The following UBE2R2 variants were observed in gnomAD, a reference collection of about 807,000 sequenced individuals.
UBE2R2 encodes ubiquitin-conjugating enzyme E2 R2.
UBE2R2 carries 1 observed loss-of-function variant against 27.8 expected under a neutral mutation model. The ratio of observed to expected loss-of-function variants is 0.04; its 90% CI spans 0.01 to 0.17. The LOEUF (loss-of-function observed/expected upper bound fraction) is 0.17, where lower values mean the gene tolerates loss of function less well. Among genes scored for constraint, UBE2R2 ranks in the 10% least tolerant of loss-of-function variants. The pLI, the probability that UBE2R2 is intolerant of heterozygous loss-of-function variation, is 1.00. For synonymous variants in UBE2R2, 106 were observed against 113.3 expected (o/e 0.94, Z 0.41); for missense variants, 100 against 291.0 (o/e 0.34, Z 4.78).
In UBE2R2 at chr9:33,863,474, C is replaced by T. The variant is rs182372559; in HGVS notation, c.178-23407C>T. On this transcript the variant is annotated intron_variant, in intron 1 of 4. Transcript: ENST00000263228. The stretch of plus-strand genomic sequence containing the variant: ...TTGCAGTGAGCCGAGATCAAGATTG[C>T]GTTGCCAGTGTACTTCAGCCTGGGG... Among the ~76,000 whole-genome samples the T allele has an allele frequency of 6.6e-5, 10 of 151,226 alleles. No individual in the cohort carries two copies. The South Asian group carries it at 1.0e-3, about 16-fold the overall frequency.
At chr9:33,888,845 G>T (rs1311156963) in intron 2 of UBE2R2, among the ~76,000 whole-genome samples, 1 of 152,136 alleles carries the variant, frequency 6.6e-6, no homozygotes, top group Non-Finnish European at 1.5e-5. Context: ...GCAAGAAATG[G>T]AGAACTCGCT....
chr9:33,877,140 A>G (rs1156803275), intron 1 of UBE2R2, among the ~76,000 whole-genome samples: 3 of 151,900 alleles, frequency 2.0e-5, no homozygotes, highest in Non-Finnish European at 2.9e-5. Context: ...TACTTCTAGA[A>G]TAAAGTCAAA....
At chr9:33,859,617 A>G (rs1408676417) in intron 1 of UBE2R2, among the ~76,000 whole-genome samples, 1 of 152,116 alleles carries the variant, frequency 6.6e-6, no homozygotes, top group Non-Finnish European at 1.5e-5. Context: ...TTACAGAAGC[A>G]TTGTTGTGAC....
chr9:33,888,418 C>G (rs1431661486), intron 2 of UBE2R2, among the ~76,000 whole-genome samples: 1 of 152,184 alleles, frequency 6.6e-6, no homozygotes, highest in Admixed American at 6.5e-5. Context: ...TAGAGTCTTG[C>G]CATCTTAGTC....
At chr9:33,875,367 ACTT>A (rs1821581197) in intron 1 of UBE2R2, among the ~76,000 whole-genome samples, 1 of 152,168 alleles carries the variant, frequency 6.6e-6, no homozygotes, top group Admixed American at 6.6e-5. Context: ...TTTCCCTTTT[ACTT>A]CTTGTGGAAA....
At chr9:33,872,180 G>A (rs1821499901) in intron 1 of UBE2R2, among the ~76,000 whole-genome samples, 1 of 151,256 alleles carries the variant, frequency 6.6e-6, no homozygotes, top group African/African-American at 2.4e-5. Context: ...GATCTCTTGA[G>A]TCCAGGAGTT....
chr9:33,842,228 T>C (rs72725377), intron 1 of UBE2R2, among the ~76,000 whole-genome samples: 11,995 of 152,048 alleles, frequency 0.079, 678 homozygotes, highest in Non-Finnish European at 0.12. Flanking sequence ...AGTGAGACCT[T>C]GTTTCCACAA....
chr9:33,905,496 T>C (rs977996350), intron 3 of UBE2R2, among the ~76,000 whole-genome samples: 1 of 152,234 alleles, frequency 6.6e-6, no homozygotes, highest in African/African-American at 2.4e-5. Context: ...TCTCTGCAGA[T>C]GATACATAAT....
At chr9:33,871,384 C>G (rs899392527) in intron 1 of UBE2R2, among the ~76,000 whole-genome samples, 13 of 151,980 alleles carry the variant, frequency 8.6e-5, no homozygotes, top group Admixed American at 2.0e-4. Flanking sequence ...CTGATGAGTT[C>G]GGTGATTTCA....
intron 1 of UBE2R2, among the ~76,000 whole-genome samples, chr9:33,837,985 G>A (rs1423786617): frequency 1.3e-5 from 2 of 152,036 alleles, no homozygotes; most frequent in African/African-American, 4.8e-5. Flanking sequence ...TTATGTATGT[G>A]TAATTATATG....
intron 3 of UBE2R2, among the ~76,000 whole-genome samples, chr9:33,909,565 A>C (rs1184337920): frequency 2.0e-5 from 3 of 152,152 alleles, no homozygotes; most frequent in African/African-American, 7.2e-5. Flanking sequence ...CCCAGTACTT[A>C]AGGAGTCCAA....
At chr9:33,845,333 G>A (rs1398652551) in intron 1 of UBE2R2, among the ~76,000 whole-genome samples, 6 of 149,480 alleles carry the variant, frequency 4.0e-5, no homozygotes, top group African/African-American at 1.5e-4. Flanking sequence ...TGCAAGCTCC[G>A]CCTCCCGGGT....
intron 1 of UBE2R2, among the ~76,000 whole-genome samples, chr9:33,875,743 T>C (rs978392344): frequency 6.6e-6 from 1 of 152,172 alleles, no homozygotes; most frequent in Non-Finnish European, 1.5e-5. Context: ...GCAAAGACAA[T>C]GCTTAGAATT....
intron 3 of UBE2R2, among the ~76,000 whole-genome samples, chr9:33,903,453 A>G (rs567179168): frequency 3.3e-5 from 5 of 152,336 alleles, no homozygotes; most frequent in African/African-American, 9.6e-5. Context: ...CCTTTCCTCA[A>G]ATACAAAGCC....
intron 3 of UBE2R2, among the ~76,000 whole-genome samples, chr9:33,902,925 C>T (rs1370130882): frequency 6.6e-6 from 1 of 152,052 alleles, no homozygotes; most frequent in Non-Finnish European, 1.5e-5. Flanking sequence ...CATGAAGAAA[C>T]CCTGTCTCTA....
upstream of UBE2R2, among the ~76,000 whole-genome samples, chr9:33,816,718 G>C (rs1825768909): frequency 6.6e-6 from 1 of 152,188 alleles, no homozygotes. Flanking sequence ...CCGCAGACTG[G>C]GTGTCACGGG....
chr9:33,902,168 C>T (rs1047997774), intron 3 of UBE2R2, among the ~76,000 whole-genome samples: 2 of 152,014 alleles, frequency 1.3e-5, no homozygotes, highest in African/African-American at 4.8e-5. Context: ...ATCCACTTGG[C>T]CTCCCAGAAT....
At position 33,917,876 on chromosome 9, in the gene UBE2R2, A is replaced by G. The variant is rs1473525299; in HGVS notation, c.*639A>G. 2 of 153,892 alleles carry G rather than the reference A, an allele frequency of 1.3e-5. No homozygotes were observed. The highest frequency in any genetic ancestry group is 2.9e-5 in the Non-Finnish European group (2 of 68,174). The allele number at this position is 153,892 out of a possible 1,614,324, so 9.5% of individuals were successfully genotyped here. A position where few individuals can be genotyped will look rare whatever the true frequency, so the allele number is the denominator to read the frequency against. Reference sequence around the variant, plus strand: ...GATGAAATGTGCTCCTTCAATCTCCATGAAACCATCGTAACATGGAGGCCT... The same window carrying G: ...GATGAAATGTGCTCCTTCAATCTCCGTGAAACCATCGTAACATGGAGGCCT... On this transcript the variant is annotated 3_prime_UTR_variant, in exon 5 of 5. Transcript: ENST00000263228.
chr9:33,891,372 G>A (rs1821983689), intron 2 of UBE2R2, among the ~76,000 whole-genome samples: 1 of 151,746 alleles, frequency 6.6e-6, no homozygotes, highest in South Asian at 2.1e-4. Context: ...GTGGTCAGGT[G>A]TGGTGGCTTA....
Sources: allele counts gnomAD v4.1 joint callset (sites outside exome capture counted in the v4.1 genomes callset), GRCh38; gene constraint gnomAD v4.1.1; transcripts MANE v1.5; gene names NCBI Gene and HGNC (gene_info 2026-07-23, HGNC 2026-07-21).